The following WDR45 variants were observed in gnomAD, a reference collection of about 807,000 sequenced individuals.
The protein encoded by WDR45 is WD repeat domain phosphoinositide-interacting protein 4.
Under a neutral mutation model 27.3 loss-of-function variants are expected in WDR45, and 2 were observed. The ratio of observed to expected loss-of-function variants is 0.07; its 90% CI spans 0.03 to 0.23. WDR45 has a LOEUF of 0.23. Among genes scored for constraint, WDR45 ranks in the 10% least tolerant of loss-of-function variants. The pLI, the probability that WDR45 is intolerant of heterozygous loss-of-function variation, is 1.00. For missense variants in WDR45, 175 were observed against 311.9 expected, an observed-to-expected ratio of 0.56 and a Z score of 3.31; for synonymous variants, 99 against 119.2, an observed-to-expected ratio of 0.83 and a Z score of 1.11.
Position 49,085,787 on chromosome X carries a change from G to C in WDR45, c.-17-7675C>G, listed in dbSNP as rs1432214131. 1.1e-3 allele frequency among the ~76,000 whole-genome samples: 5 copies of C among 4,400 alleles called. No homozygotes were observed. In the Non-Finnish European group the frequency reaches 0.014, roughly 12 times the overall value. 3.8% of individuals were successfully genotyped at this position (4,400 alleles called of 115,157 possible). The stretch of plus-strand genomic sequence containing the variant: ...AGCTACTCAGGAGGCTGAGGTGGGA[G>C]GATTGCTTGTGAGCCATGATGGGGC... On this transcript the variant is annotated intron_variant, in intron 2 of 11. Coordinates refer to the WDR45 transcript ENST00000356463.
intron 2 of WDR45, among the ~76,000 whole-genome samples, chrX:49,099,871 T>A (rs931746356): frequency 4.5e-5 from 5 of 110,682 alleles, no homozygotes; most frequent in African/African-American, 1.6e-4. Context: ...GGACCAGACC[T>A]GATATCAACG....
At chrX:49,095,411 C>T (rs782406319) in intron 2 of WDR45, among the ~76,000 whole-genome samples, 4 of 108,860 alleles carry the variant, frequency 3.7e-5, no homozygotes, top group African/African-American at 1.3e-4. Flanking sequence ...GAGGCCAAGG[C>T]GGGCGAGCCT....
At chrX:49,082,754 C>T (rs782332380), upstream of WDR45, among the ~76,000 whole-genome samples, 23 of 110,924 alleles carry the variant, frequency 2.1e-4, no homozygotes, top group Middle Eastern at 4.7e-3. Flanking sequence ...CACTCTGTCA[C>T]CTAGGCTGGA....
intron 2 of WDR45, among the ~76,000 whole-genome samples, chrX:49,093,738 C>T (rs181628209): frequency 1.8e-5 from 2 of 110,070 alleles, no homozygotes; most frequent in East Asian, 5.7e-4. Context: ...GATGCGGTCT[C>T]ATTATGTTGG....
At chrX:49,091,235 G>A (rs1557086568) in intron 2 of WDR45, among the ~76,000 whole-genome samples, 1 of 107,608 alleles carries the variant, frequency 9.3e-6, no homozygotes, top group East Asian at 3.0e-4. Flanking sequence ...GAGCTCAGGA[G>A]TTCAAGACCA....
At chrX:49,080,682 A>G (rs893113245), upstream of WDR45, among the ~76,000 whole-genome samples, 61 of 110,397 alleles carry the variant, frequency 5.5e-4, no homozygotes, top group African/African-American at 2.0e-3. Flanking sequence ...ACCTCAGGTT[A>G]TCCACCCACC....
intron 2 of WDR45, among the ~76,000 whole-genome samples, chrX:49,089,746 C>T (rs1367685545): frequency 2.1e-5 from 2 of 93,620 alleles, no homozygotes; most frequent in Non-Finnish European, 4.1e-5. Flanking sequence ...GAGATCGGGC[C>T]ACTGCATTCC....
chrX:49,079,968 C>T (rs1489392356), upstream of WDR45: 1 of 113,365 alleles, frequency 8.8e-6, no homozygotes, highest in Non-Finnish European at 1.9e-5. Flanking sequence ...CCACCGCCTT[C>T]CTCGCCTAGT....
upstream of WDR45, among the ~76,000 whole-genome samples, chrX:49,083,316 GTTTTT>G (rs781995765): frequency 2.8e-5 from 2 of 72,024 alleles, no homozygotes; most frequent in East Asian, 4.2e-4. Context: ...CCGGCCTCTC[GTTTTT>G]TTTTTTTTTT....
At chrX:49,081,190 G>A (rs1557085072), upstream of WDR45, among the ~76,000 whole-genome samples, 1 of 104,469 alleles carries the variant, frequency 9.6e-6, no homozygotes, top group African/African-American at 3.4e-5. Flanking sequence ...ACAGGCGTGA[G>A]CCACTGCGCC....
At chrX:49,099,772 C>G in intron 2 of WDR45, among the ~76,000 whole-genome samples, 1 of 101,913 alleles carries the variant, frequency 9.8e-6, no homozygotes, top group African/African-American at 4.0e-5. Context: ...CAGAGCGAGA[C>G]TATGTCTCAA....
In WDR45 at chrX:49,097,721, A is replaced by G. The variant is rs181943699; in HGVS notation, c.-18+2484T>C. 7.9e-3 allele frequency among the ~76,000 whole-genome samples: 847 copies of G among 107,840 alleles called. 8 individuals are homozygous for G. Among genetic ancestry groups the G allele is most frequent in the Middle Eastern group, 0.025 (5 of 204 alleles). The allele number at this position is 107,840 out of a possible 115,157, so 93.6% of individuals were successfully genotyped here. On this transcript the variant is annotated intron_variant, in intron 2 of 11. Transcript: ENST00000356463. ...GCCCAGGCTGGAGTACAATGGCGCAATCTCGGCTCACTGCAACCTCTGCCT... is the reference window on the plus strand; with the variant it reads ...GCCCAGGCTGGAGTACAATGGCGCAGTCTCGGCTCACTGCAACCTCTGCCT...
At chrX:49,081,551 G>T (rs1457252716), upstream of WDR45, among the ~76,000 whole-genome samples, 20 of 107,720 alleles carry the variant, frequency 1.9e-4, no homozygotes, top group Non-Finnish European at 7.7e-5. Context: ...AAAAAGCCGG[G>T]CGTGGTGACA....
At position 49,075,198 on chromosome X, in the gene WDR45, G is replaced by A. The variant is rs2065029178; in HGVS notation, c.911C>T (p.Ala304Val). 8.2e-7 allele frequency: 1 copy of A among 1,212,438 alleles called. No homozygotes were observed. The highest frequency in any genetic ancestry group is 1.1e-6 in the Non-Finnish European group (1 of 895,643). ...QWSLASFTVPAESACICAFGR... is the reference protein window; with the variant it reads ...QWSLASFTVPVESACICAFGR... ...GAAGGCGCAGATGCAAGCTGACTCA[G>A]CAGGCACAGTGAAGCTCGCCAGGCT... Residue 304 changes from alanine to valine, a missense_variant, in exon 10 of 11, where the codon GCT becomes GTT. Physicochemically the swap from Ala to Val is moderately conservative, Grantham distance 64 (BLOSUM62 0). Around this residue, in one of 3 missense-constraint regions of WDR45, gnomAD observed 71 missense variants for 123.0 expected, o/e 0.58. Coordinates refer to ENST00000376372, the MANE Select transcript of WDR45 (RefSeq NM_001029896.2).
chrX:49,077,440 G>A, intron 4 of WDR45: 1 of 471,828 alleles, frequency 2.1e-6, no homozygotes, highest in East Asian at 3.7e-5. Flanking sequence ...ATGGCACACA[G>A]GAGGCACTCA....
chrX:49,077,224 A>C, intron 4 of WDR45: 1 of 197,779 alleles, frequency 5.1e-6, no homozygotes, highest in Non-Finnish European at 9.4e-6. Context: ...CCAAGGGGGT[A>C]TTGGGAAGAC....
intron 2 of WDR45, among the ~76,000 whole-genome samples, chrX:49,099,981 TC>T (rs2065139956): frequency 1.8e-5 from 2 of 109,331 alleles, no homozygotes; most frequent in African/African-American, 3.3e-5. Context: ...GGGAATTTTT[TC>T]CCACTTAGTG....
rs1459168114 is a variant in WDR45 at position 49,089,799 on chromosome X, A to AG, written c.-18+10405_-18+10406insC. 3.0e-3 allele frequency among the ~76,000 whole-genome samples: 317 copies of AG among 106,703 alleles called. 1 individual carries two copies. Among genetic ancestry groups the AG allele is most frequent in the African/African-American group, 0.01 (294 of 28,834 alleles). The allele number at this position is 106,703 out of a possible 115,157, so 92.7% of individuals were successfully genotyped here. A position where few individuals can be genotyped will look rare whatever the true frequency, so the allele number is the denominator to read the frequency against. ...AAAACCTTATCTCAAAAAAAAAAAA[A>AG]AAAAGAAAAGAAGAGAAAAAAAGAA... On this transcript the variant is annotated intron_variant, in intron 2 of 11. Transcript: ENST00000356463.
intron 6 of WDR45, 142 bp downstream of exon 6, chrX:49,076,286 GGA>G (rs2065036838): frequency 1.5e-6 from 1 of 666,110 alleles, no homozygotes; most frequent in African/African-American, 2.2e-5. Flanking sequence ...CTGGAAAGAT[GGA>G]GAGGCTATGA....
Sources: gnomAD v4.1 joint callset for allele counts (sites outside exome capture counted in the v4.1 genomes callset) on GRCh38, gnomAD v4.1.1 for gene constraint, gnomAD v4.1.1 regional missense constraint, MANE v1.5 for transcripts, NCBI Gene and HGNC (gene_info 2026-07-23, HGNC 2026-07-21) for gene names.